Variants in LRFN5 observed in about 807,000 individuals in gnomAD.
The protein encoded by LRFN5 is leucine-rich repeat and fibronectin type-III domain-containing protein 5.
Under a neutral mutation model 45.6 loss-of-function variants are expected in LRFN5, and 24 were observed. The observed-to-expected ratio is 0.53, with a 90% CI of 0.38 to 0.74. LRFN5 has a LOEUF of 0.74. LRFN5 is among the 30% of genes least tolerant of loss of function. The probability of loss-of-function intolerance (pLI) is 0.00; values close to 1 mark genes in which losing one functional copy is unlikely to be tolerated. For synonymous variants in LRFN5, 340 were observed against 313.8 expected, an observed-to-expected ratio of 1.08 and a Z score of -0.88; for missense variants, 776 against 861.5, an observed-to-expected ratio of 0.90 and a Z score of 1.24.
At chr14:41,713,595 A>G (rs2138752074) in intron 1 of LRFN5, among the ~76,000 whole-genome samples, 1 of 152,278 alleles carries the variant, frequency 6.6e-6, no homozygotes, top group South Asian at 2.1e-4. Context: ...CAGAAGAGGA[A>G]AGAAGAACGA....
intron 1 of LRFN5, among the ~76,000 whole-genome samples, chr14:41,678,659 A>C (rs1000727482): frequency 6.6e-6 from 1 of 152,190 alleles, no homozygotes; most frequent in African/African-American, 2.4e-5. Flanking sequence ...TAGTCTCAAT[A>C]AATTTAAAAG....
At chr14:41,847,300 T>C (rs1889102848) in intron 2 of LRFN5, among the ~76,000 whole-genome samples, 1 of 152,106 alleles carries the variant, frequency 6.6e-6, no homozygotes, top group Admixed American at 6.6e-5. Flanking sequence ...TATTCCTTCA[T>C]GGGGAGTAAT....
chr14:41,858,460 T>C (rs1452982033), intron 2 of LRFN5, among the ~76,000 whole-genome samples: 1 of 152,164 alleles, frequency 6.6e-6, no homozygotes, highest in Non-Finnish European at 1.5e-5. Context: ...ATGTTCTCAA[T>C]GTCTCAGCTC....
At chr14:41,807,332 A>G (rs1360596153) in intron 2 of LRFN5, among the ~76,000 whole-genome samples, 1 of 152,156 alleles carries the variant, frequency 6.6e-6, no homozygotes, top group Non-Finnish European at 1.5e-5. Context: ...GGGACACATT[A>G]AAGTATAGAA....
chr14:41,865,889 C>G (rs1208545540), intron 2 of LRFN5, among the ~76,000 whole-genome samples: 1 of 151,834 alleles, frequency 6.6e-6, no homozygotes, highest in African/African-American at 2.4e-5. Context: ...AATTCTTTGC[C>G]CAATTATAAT....
At chr14:41,626,562 C>T (rs1322484179) in intron 1 of LRFN5, among the ~76,000 whole-genome samples, 4 of 151,994 alleles carry the variant, frequency 2.6e-5, no homozygotes, top group Admixed American at 6.6e-5. Flanking sequence ...TTTTGACTTA[C>T]GTGATAAAGG....
At chr14:41,699,109 A>G (rs1882733297) in intron 1 of LRFN5, among the ~76,000 whole-genome samples, 1 of 152,132 alleles carries the variant, frequency 6.6e-6, no homozygotes, top group Non-Finnish European at 1.5e-5. Flanking sequence ...TTTTACCACT[A>G]CAAAAGTGAG....
intron 2 of LRFN5, among the ~76,000 whole-genome samples, chr14:41,832,683 C>T (rs2139036455): frequency 6.6e-6 from 1 of 152,256 alleles, no homozygotes; most frequent in Non-Finnish European, 1.5e-5. Context: ...GTCCCTTTCT[C>T]AGAACATATA....
At chr14:41,851,271 A>T (rs1433178648) in intron 2 of LRFN5, among the ~76,000 whole-genome samples, 2 of 122,820 alleles carry the variant, frequency 1.6e-5, no homozygotes, top group Non-Finnish European at 3.4e-5. Context: ...ATTCTTGGGG[A>T]CTTTTCAGAC....
chr14:41,902,123 TTAA>T (rs1398955414), intron 5 of LRFN5, among the ~76,000 whole-genome samples: 1 of 151,876 alleles, frequency 6.6e-6, no homozygotes, highest in Admixed American at 6.6e-5. Flanking sequence ...CACAATTCAT[TTAA>T]TGTCAGGATT....
chr14:41,770,995 G>A (rs996984749), intron 2 of LRFN5, among the ~76,000 whole-genome samples: 26 of 151,786 alleles, frequency 1.7e-4, no homozygotes, highest in Admixed American at 9.8e-4. Context: ...CCCCCTTCAC[G>A]CTTGCAGATT....
intron 1 of LRFN5, among the ~76,000 whole-genome samples, chr14:41,614,491 A>G (rs150750443): frequency 2.6e-5 from 4 of 152,250 alleles, no homozygotes; most frequent in African/African-American, 9.6e-5. Flanking sequence ...TCTTAGTAAC[A>G]TGAAAAATAT....
intron 1 of LRFN5, among the ~76,000 whole-genome samples, chr14:41,667,513 A>C (rs1230195063): frequency 3.3e-5 from 5 of 152,100 alleles, no homozygotes. Flanking sequence ...CTGGACAGGG[A>C]AATGTGTAGC....
intron 2 of LRFN5, among the ~76,000 whole-genome samples, chr14:41,877,867 G>A (rs1012240418): frequency 5.3e-5 from 8 of 152,004 alleles, no homozygotes; most frequent in African/African-American, 9.7e-5. Flanking sequence ...ACATCTTCCC[G>A]AAAATATTAA....
chr14:41,865,332 AT>A (rs1380029403), intron 2 of LRFN5, among the ~76,000 whole-genome samples: 18 of 152,232 alleles, frequency 1.2e-4, no homozygotes, highest in Admixed American at 1.0e-3. Context: ...TATATGCAGT[AT>A]TTTTTGACAG....
intron 1 of LRFN5, among the ~76,000 whole-genome samples, chr14:41,658,068 T>G (rs1880461764): frequency 6.6e-6 from 1 of 152,040 alleles, no homozygotes; most frequent in African/African-American, 2.4e-5. Context: ...GAAAACATTT[T>G]TCTTAAATCT....
chr14:41,686,762 T>A (rs1882142184), intron 1 of LRFN5, among the ~76,000 whole-genome samples: 1 of 152,166 alleles, frequency 6.6e-6, no homozygotes, highest in Admixed American at 6.5e-5. Context: ...TGGATTACAT[T>A]TAATGATGTG....
chr14:41,862,520 C>T (rs1459902104), intron 2 of LRFN5, among the ~76,000 whole-genome samples: 7 of 151,996 alleles, frequency 4.6e-5, no homozygotes, highest in Admixed American at 4.6e-4. Flanking sequence ...GGAACATTCC[C>T]ATACATATCT....
intron 1 of LRFN5, among the ~76,000 whole-genome samples, chr14:41,682,514 AATACAAAATATGAAGTTATTTTTTTG>A (rs1881948401): frequency 6.6e-6 from 1 of 152,138 alleles, no homozygotes; most frequent in African/African-American, 2.4e-5. Context: ...GAAAGTAACT[AATACAAAATATGAAGTTATTTTTTTG>A]AAAAGACAAA....
Sources: gnomAD v4.1 joint callset for allele counts (sites outside exome capture counted in the v4.1 genomes callset) on GRCh38, gnomAD v4.1.1 for gene constraint, MANE v1.5 for transcripts, NCBI Gene and HGNC (gene_info 2026-07-23, HGNC 2026-07-21) for gene names.